CRPPA: variants seen among roughly 807,000 people sequenced by gnomAD.
CRPPA encodes the protein CDP-L-ribitol pyrophosphorylase A.
Under a neutral mutation model 52.0 loss-of-function variants are expected in CRPPA, and 43 were observed. The ratio of observed to expected loss-of-function variants is 0.83; its 90% CI spans 0.65 to 1.07. The LOEUF (loss-of-function observed/expected upper bound fraction) is 1.07, where lower values mean the gene tolerates loss of function less well. CRPPA is among the 50% of genes least tolerant of loss of function. CRPPA has a pLI of 0.00. For missense variants in CRPPA, 629 were observed against 551.7 expected, an observed-to-expected ratio of 1.14 and a Z score of -1.40; for synonymous variants, 250 against 203.5, an observed-to-expected ratio of 1.23 and a Z score of -1.94.
At chr7:16,282,631 G>A (rs1784342087) in intron 5 of CRPPA, among the ~76,000 whole-genome samples, 1 of 152,004 alleles carries the variant, frequency 6.6e-6, no homozygotes, top group South Asian at 2.1e-4. Flanking sequence ...AAATAAAAAA[G>A]CACCCTCTCC....
intron 9 of CRPPA, among the ~76,000 whole-genome samples, chr7:16,160,503 C>A (rs1372694405): frequency 2.6e-5 from 4 of 152,098 alleles, no homozygotes; most frequent in South Asian, 4.1e-4. Flanking sequence ...TTTCTGAGGC[C>A]TCTGTTCTGT....
rs1052073506 is a variant in CRPPA at position 16,281,430 on chromosome 7, A to C, written c.836-3204T>G. On this transcript the variant is annotated intron_variant, in intron 5 of 9. Transcript: ENST00000407010. ...TATAAACTGATGTTTTATAGATTTT[A>C]ACTTCTTGGTATATACAAACATGCT... Among the ~76,000 whole-genome samples, 4 of 152,180 alleles carry C rather than the reference A, an allele frequency of 2.6e-5. No homozygotes were observed. In the East Asian group the frequency reaches 7.7e-4, roughly 29 times the overall value.
intron 8 of CRPPA, among the ~76,000 whole-genome samples, chr7:16,222,833 A>C (rs1782556503): frequency 6.6e-6 from 1 of 152,196 alleles, no homozygotes; most frequent in Non-Finnish European, 1.5e-5. Context: ...TAATACTTCT[A>C]CATATTTATG....
At chr7:16,403,393 G>GT (rs1562686238) in intron 2 of CRPPA, among the ~76,000 whole-genome samples, 1 of 152,066 alleles carries the variant, frequency 6.6e-6, no homozygotes, top group South Asian at 2.1e-4. Context: ...ACCAGTTTAA[G>GT]TTTTTTTAAT....
chr7:16,125,008 C>A (rs890537157), intron 9 of CRPPA, among the ~76,000 whole-genome samples: 2 of 151,858 alleles, frequency 1.3e-5, no homozygotes, highest in East Asian at 1.9e-4. Context: ...GCCTGTAATC[C>A]CAGCACTTTG....
intron 9 of CRPPA, among the ~76,000 whole-genome samples, chr7:16,198,576 G>A (rs1034494463): frequency 7.4e-6 from 1 of 135,260 alleles, no homozygotes; most frequent in Non-Finnish European, 1.5e-5. Context: ...CTGGTTCCCC[G>A]GGTCCCCTTA....
chr7:16,408,452 C>T (rs75956793), intron 1 of CRPPA, among the ~76,000 whole-genome samples: 3,861 of 152,176 alleles, frequency 0.025, 150 homozygotes, highest in African/African-American at 0.083. Context: ...TGGAGTTCCC[C>T]GAGCAAGGAG....
intron 9 of CRPPA, among the ~76,000 whole-genome samples, chr7:16,103,781 T>C (rs988084692): frequency 3.9e-5 from 6 of 152,170 alleles, no homozygotes; most frequent in South Asian, 2.1e-4. Flanking sequence ...CCAGAACATA[T>C]GATAACTTAT....
intron 9 of CRPPA, among the ~76,000 whole-genome samples, chr7:16,107,254 C>T (rs142220965): frequency 2.2e-4 from 34 of 152,094 alleles, no homozygotes; most frequent in Middle Eastern, 6.8e-3. Context: ...TGCATGCCAA[C>T]ACCCAAGGAC....
chr7:16,114,828 C>A (rs1782337180), intron 9 of CRPPA, among the ~76,000 whole-genome samples: 1 of 151,966 alleles, frequency 6.6e-6, no homozygotes, highest in Non-Finnish European at 1.5e-5. Flanking sequence ...CAGAAGAGAG[C>A]AGCATTGAAT....
At chr7:16,384,561 G>A (rs1173404035) in intron 2 of CRPPA, among the ~76,000 whole-genome samples, 1 of 152,214 alleles carries the variant, frequency 6.6e-6, no homozygotes, top group Non-Finnish European at 1.5e-5. Flanking sequence ...TAACAGCTAG[G>A]TGAGATATCA....
intron 9 of CRPPA, among the ~76,000 whole-genome samples, chr7:16,157,713 G>C (rs912904687): frequency 3.4e-4 from 51 of 152,086 alleles, no homozygotes; most frequent in African/African-American, 1.2e-3. Context: ...CCTACTGACT[G>C]GCCAGCATAG....
intron 8 of CRPPA, among the ~76,000 whole-genome samples, chr7:16,221,632 G>A (rs199827534): frequency 0.36 from 54,906 of 151,054 alleles, 10,601 homozygotes; most frequent in Admixed American, 0.47. Context: ...GAAAGTGGGC[G>A]AAGGACATGA....
At chr7:16,405,923 C>G in intron 2 of CRPPA, 138 bp downstream of exon 2, 1 of 786,932 alleles carries the variant, frequency 1.3e-6, no homozygotes, top group Non-Finnish European at 2.0e-6. Context: ...GTTACTACAA[C>G]AAATCACCAT....
chr7:16,185,779 T>G (rs1781493860), intron 9 of CRPPA, among the ~76,000 whole-genome samples: 1 of 152,148 alleles, frequency 6.6e-6, no homozygotes, highest in Non-Finnish European at 1.5e-5. Flanking sequence ...AGCAGCATGG[T>G]CAGGAGGCAC....
chr7:16,159,229 C>T (rs1783249684), intron 9 of CRPPA, among the ~76,000 whole-genome samples: 1 of 152,130 alleles, frequency 6.6e-6, no homozygotes, highest in African/African-American at 2.4e-5. Flanking sequence ...CCAGCCTGGC[C>T]AACATGGTGA....
intron 9 of CRPPA, among the ~76,000 whole-genome samples, chr7:16,105,981 AG>A (rs969169344): frequency 6.6e-6 from 1 of 152,202 alleles, no homozygotes; most frequent in Non-Finnish European, 1.5e-5. Context: ...CAGTGGCTCC[AG>A]TAAGCCAATA....
intron 9 of CRPPA, among the ~76,000 whole-genome samples, chr7:16,104,899 C>G (rs1210091871): frequency 1.7e-5 from 2 of 117,284 alleles, no homozygotes; most frequent in Non-Finnish European, 3.4e-5. Context: ...GACTCCATCT[C>G]AAAGAAAAAA....
chr7:16,341,902 T>C (rs1338521087), intron 3 of CRPPA, among the ~76,000 whole-genome samples: 6 of 152,300 alleles, frequency 3.9e-5, no homozygotes, highest in East Asian at 1.9e-4. Context: ...TCCTTGTCTG[T>C]ATTCTATTTC....
Sources: allele counts gnomAD v4.1 joint callset (sites outside exome capture counted in the v4.1 genomes callset), GRCh38; gene constraint gnomAD v4.1.1; transcripts MANE v1.5; gene names NCBI Gene and HGNC (gene_info 2026-07-23, HGNC 2026-07-21).